ALMS1: variants seen among roughly 807,000 people sequenced by gnomAD.
ALMS1 encodes centrosome-associated protein ALMS1.
In ALMS1, 271 loss-of-function variants were observed where a neutral mutation model predicts 352.2. That is an observed-to-expected ratio of 0.77 (90% CI 0.70 to 0.85). ALMS1 has a LOEUF of 0.85. Among genes scored for constraint, ALMS1 ranks in the 40% least tolerant of loss-of-function variants. The probability of loss-of-function intolerance (pLI) is 0.00; values close to 1 mark genes in which losing one functional copy is unlikely to be tolerated. For missense variants in ALMS1, 5,445 were observed against 4,870.7 expected, an observed-to-expected ratio of 1.12 and a Z score of -3.51; for synonymous variants, 1,865 against 1,761.2, an observed-to-expected ratio of 1.06 and a Z score of -1.48.
chr2:73,441,844 G>A (rs983709239), intron 7 of ALMS1, among the ~76,000 whole-genome samples: 1 of 151,924 alleles, frequency 6.6e-6, no homozygotes, highest in Non-Finnish European at 1.5e-5. Flanking sequence ...CATTTTGTCA[G>A]GGACCAGAAG....
chr2:73,529,274 C>A (rs1673858791), intron 11 of ALMS1, among the ~76,000 whole-genome samples: 1 of 152,092 alleles, frequency 6.6e-6, no homozygotes, highest in African/African-American at 2.4e-5. Context: ...GAACTCCCGA[C>A]CTCAGGTGAT....
chr2:73,440,579 A>G (rs931015493), intron 7 of ALMS1, among the ~76,000 whole-genome samples: 1 of 150,254 alleles, frequency 6.7e-6, no homozygotes, highest in Non-Finnish European at 1.5e-5. Context: ...GTGTGCTACC[A>G]CGCCCAGCTA....
intron 16 of ALMS1, among the ~76,000 whole-genome samples, chr2:73,590,993 A>G (rs1312901584): frequency 1.3e-5 from 2 of 151,252 alleles, no homozygotes; most frequent in Non-Finnish European, 2.9e-5. Flanking sequence ...TTTCTTTTTT[A>G]GAGATGTGGT....
intron 15 of ALMS1, among the ~76,000 whole-genome samples, chr2:73,571,818 AT>A (rs1674934018): frequency 6.6e-6 from 1 of 152,160 alleles, no homozygotes; most frequent in Non-Finnish European, 1.5e-5. Context: ...AAATTTATCC[AT>A]TTAATTACTG....
chr2:73,522,030 C>A (rs1454167902), intron 11 of ALMS1, among the ~76,000 whole-genome samples: 1 of 150,254 alleles, frequency 6.7e-6, no homozygotes, highest in East Asian at 2.0e-4. Flanking sequence ...GTTCCTCTAC[C>A]CCTCTCCAGT....
At chr2:73,401,128 A>G (rs1670864732) in intron 1 of ALMS1, among the ~76,000 whole-genome samples, 1 of 152,070 alleles carries the variant, frequency 6.6e-6, no homozygotes, top group African/African-American at 2.4e-5. Context: ...ATCTTATTTT[A>G]TTAGCCTGGC....
chr2:73,387,994 A>G (rs1272386751), intron 1 of ALMS1, among the ~76,000 whole-genome samples: 2 of 151,822 alleles, frequency 1.3e-5, no homozygotes, highest in Non-Finnish European at 2.9e-5. Context: ...GGTTGTGCCA[A>G]TATTAAGATA....
chr2:73,598,508 T>C (rs1238011112), intron 16 of ALMS1, among the ~76,000 whole-genome samples: 1 of 152,226 alleles, frequency 6.6e-6, no homozygotes, highest in Non-Finnish European at 1.5e-5. Flanking sequence ...CCCAAAATTC[T>C]GTTACAAGTT....
In ALMS1 at chr2:73,451,688, T is replaced by G. The variant is rs1350573761; in HGVS notation, c.5161T>G (p.Phe1721Val). 1.5e-5 allele frequency: 24 copies of G among 1,613,926 alleles called. No individual in the cohort carries two copies. The highest frequency in any genetic ancestry group is 2.0e-5 in the Non-Finnish European group (24 of 1,179,978). Residue 1721 changes from phenylalanine to valine, a missense_variant, in exon 8 of 23, where the codon TTC (phenylalanine) becomes GTC (valine). Transcript: ENST00000613296. ...CTCATATAGAGAGAAGCCCATTGTC[T>G]TCTACCAACAGGCCCTGCCAGACAG... ...LYSYREKPIVFYQQALPDSEL... is the reference protein window; with the variant it reads ...LYSYREKPIVVYQQALPDSEL...
At chr2:73,556,968 C>T (rs539792179) in intron 13 of ALMS1, among the ~76,000 whole-genome samples, 5 of 152,300 alleles carry the variant, frequency 3.3e-5, no homozygotes, top group African/African-American at 1.2e-4. Flanking sequence ...TCCCAAAGTG[C>T]TGGGATTACA....
At chr2:73,602,137 G>T in intron 19 of ALMS1, 48 bp from the exon 20 acceptor site, 1 of 1,561,488 alleles carries the variant, frequency 6.4e-7, no homozygotes, top group Non-Finnish European at 8.7e-7. Flanking sequence ...AGAGTAGATT[G>T]CATCATTAAT....
At chr2:73,464,973 A>G (rs1219516747) in intron 9 of ALMS1, among the ~76,000 whole-genome samples, 2 of 152,040 alleles carry the variant, frequency 1.3e-5, no homozygotes, top group Admixed American at 6.5e-5. Context: ...AGAACATTCC[A>G]TGCTCATGGG....
intron 16 of ALMS1, among the ~76,000 whole-genome samples, chr2:73,590,717 C>T (rs1456661389): frequency 6.3e-5 from 8 of 127,990 alleles, no homozygotes; most frequent in Non-Finnish European, 9.4e-5. Flanking sequence ...CTCGCTCTGT[C>T]ACCCAGGCTG....
chr2:73,446,555 TC>T (rs1351768674), intron 7 of ALMS1, among the ~76,000 whole-genome samples: 1 of 152,172 alleles, frequency 6.6e-6, no homozygotes, highest in Non-Finnish European at 1.5e-5. Flanking sequence ...ACTTGATACT[TC>T]TAGTTCTTTA....
chr2:73,581,394 C>G (rs1675174787), intron 16 of ALMS1, among the ~76,000 whole-genome samples: 1 of 152,218 alleles, frequency 6.6e-6, no homozygotes, highest in Non-Finnish European at 1.5e-5. Context: ...CAAGGTACTA[C>G]TCCGTGCTGT....
intron 9 of ALMS1, among the ~76,000 whole-genome samples, chr2:73,465,471 G>A (rs942402663): frequency 2.6e-5 from 4 of 152,042 alleles, no homozygotes; most frequent in African/African-American, 7.2e-5. Flanking sequence ...TCCTTACACC[G>A]TATACAAAAA....
At chr2:73,567,907 A>G (rs1309292093) in intron 15 of ALMS1, among the ~76,000 whole-genome samples, 2 of 152,198 alleles carry the variant, frequency 1.3e-5, no homozygotes. Flanking sequence ...AAGTGTCTTC[A>G]TGGTAGAAAA....
intron 12 of ALMS1, among the ~76,000 whole-genome samples, chr2:73,547,979 G>A (rs531016716): frequency 3.6e-4 from 55 of 152,116 alleles, no homozygotes; most frequent in African/African-American, 1.1e-3. Flanking sequence ...GGAGAAGAGC[G>A]TGAAAAAAAT....
At chr2:73,550,080 G>A (rs1278414076) in intron 12 of ALMS1, among the ~76,000 whole-genome samples, 187 bp from the exon 13 acceptor site, 2 of 152,120 alleles carry the variant, frequency 1.3e-5, no homozygotes, top group Non-Finnish European at 2.9e-5. Flanking sequence ...GGCTGGTCTT[G>A]AACTCCTGAC....
Sources: gnomAD v4.1 joint callset for allele counts (sites outside exome capture counted in the v4.1 genomes callset) on GRCh38, gnomAD v4.1.1 for gene constraint, MANE v1.5 for transcripts, NCBI Gene and HGNC (gene_info 2026-07-23, HGNC 2026-07-21) for gene names.